Variants in TANC1 observed in about 807,000 individuals in gnomAD.
TANC1 encodes protein TANC1.
A neutral mutation model predicts 149.7 loss-of-function variants in TANC1; 77 were observed. That is an observed-to-expected ratio of 0.51 (90% CI 0.43 to 0.62). The LOEUF is 0.62. Among genes scored for constraint, TANC1 ranks in the 20% least tolerant of loss-of-function variants. The probability of loss-of-function intolerance (pLI) is 0.00; values close to 1 mark genes in which losing one functional copy is unlikely to be tolerated. For synonymous variants in TANC1, 854 were observed against 925.0 expected (o/e 0.92, Z 1.39); for missense variants, 1,985 against 2,321.8 (o/e 0.85, Z 2.98).
At chr2:158,991,707 C>G (rs992068146) in intron 1 of TANC1, among the ~76,000 whole-genome samples, 2 of 152,012 alleles carry the variant, frequency 1.3e-5, no homozygotes, top group East Asian at 3.9e-4. Context: ...TATCGCACCA[C>G]TGCACTCCAG....
At chr2:159,015,326 A>G (rs533031203) in intron 2 of TANC1, among the ~76,000 whole-genome samples, 1 of 152,304 alleles carries the variant, frequency 6.6e-6, no homozygotes, top group South Asian at 2.1e-4. Flanking sequence ...TCATGGCTGG[A>G]GTGGCTTGGA....
intron 1 of TANC1, among the ~76,000 whole-genome samples, chr2:158,982,348 A>G (rs193132070): frequency 6.6e-6 from 1 of 152,356 alleles, no homozygotes; most frequent in Non-Finnish European, 1.5e-5. Flanking sequence ...AAACACAAAC[A>G]TATAGGATAT....
rs533901485 is a variant in TANC1 at position 158,993,443 on chromosome 2, G to C, written c.-125-7637G>C. 3.3e-5 allele frequency among the ~76,000 whole-genome samples: 5 copies of C among 152,188 alleles called. No homozygotes were observed. In the South Asian group the frequency reaches 1.0e-3, roughly 32 times the overall value. The stretch of plus-strand genomic sequence containing the variant: ...ATTTTTGTATTTTTTGTAGAGACAG[G>C]GTTTCACCATGTTGCCCAGGCTGGT... On this transcript the variant is annotated intron_variant, in intron 1 of 26. Coordinates refer to ENST00000263635, the MANE Select transcript of TANC1 (RefSeq NM_033394.3).
In TANC1 at chr2:159,148,468, G is replaced by A. The variant is rs551639203; in HGVS notation, c.365-674G>A. On this transcript the variant is annotated intron_variant, in intron 5 of 26. Transcript: ENST00000263635. ...TCCCAGCATTGCTGTGCAGCATTCT[G>A]AGAATACAGCTTGATTTTTCTACAT... is the stretch of plus-strand genomic sequence containing the variant. 4 of 152,380 alleles carry A rather than the reference G, an allele frequency of 2.6e-5. No individual in the cohort carries two copies. In the South Asian group the frequency reaches 6.2e-4, roughly 24 times the overall value. 9.4% of individuals were successfully genotyped at this position (152,380 alleles called of 1,614,324 possible). A position where few individuals can be genotyped will look rare whatever the true frequency, so the allele number is the denominator to read the frequency against.
At chr2:159,043,257 C>T (rs941661144) in intron 2 of TANC1, among the ~76,000 whole-genome samples, 21 of 151,972 alleles carry the variant, frequency 1.4e-4, no homozygotes, top group African/African-American at 4.6e-4. Context: ...AGAGTGCTGA[C>T]GGGTTTTCTT....
chr2:159,092,935 G>A (rs774804700), intron 3 of TANC1, among the ~76,000 whole-genome samples: 15 of 152,278 alleles, frequency 9.9e-5, no homozygotes, highest in Non-Finnish European at 1.5e-4. Flanking sequence ...TGAGCTGACC[G>A]GTTGTGGGGA....
chr2:159,056,188 C>A, intron 2 of TANC1: 1 of 238,704 alleles, frequency 4.2e-6, no homozygotes, highest in South Asian at 6.9e-5. Flanking sequence ...TGGGAAAATC[C>A]ACAAAGGTGA....
At chr2:159,225,585 T>C in intron 23 of TANC1, 103 bp from the exon 24 acceptor site, 2 of 843,754 alleles carry the variant, frequency 2.4e-6, no homozygotes, top group Non-Finnish European at 4.0e-6. Flanking sequence ...TCCTTGCAGC[T>C]GGGCTCCTGC....
At chr2:159,056,460 C>T (rs974120083) in intron 2 of TANC1, among the ~76,000 whole-genome samples, 5 of 151,992 alleles carry the variant, frequency 3.3e-5, no homozygotes, top group Admixed American at 2.6e-4. Context: ...TACAGGCGCC[C>T]GCCACCACGC....
chr2:159,217,874 C>T (rs562121731), intron 20 of TANC1, among the ~76,000 whole-genome samples: 2 of 152,312 alleles, frequency 1.3e-5, no homozygotes, highest in East Asian at 1.9e-4. Flanking sequence ...CAGCCACTGC[C>T]TTCAGCTGTG....
chr2:158,985,151 G>C (rs967374678), intron 1 of TANC1, among the ~76,000 whole-genome samples: 6 of 152,160 alleles, frequency 3.9e-5, no homozygotes, highest in African/African-American at 1.2e-4. Context: ...TTAGTGGGAG[G>C]AAGAGAACTA....
chr2:159,162,729 A>C (rs938789526), intron 7 of TANC1, among the ~76,000 whole-genome samples: 3 of 152,146 alleles, frequency 2.0e-5, no homozygotes, highest in African/African-American at 7.2e-5. Context: ...ATAATAAGTC[A>C]GTCTCTCTGG....
At chr2:159,157,691 T>C (rs141575231) in intron 7 of TANC1, among the ~76,000 whole-genome samples, 2 of 152,362 alleles carry the variant, frequency 1.3e-5, no homozygotes, top group East Asian at 1.9e-4. Context: ...TCATCCACTT[T>C]TATGAGCGGC....
chr2:159,178,017 A>AG (rs2056064696), intron 13 of TANC1, among the ~76,000 whole-genome samples: 1 of 151,488 alleles, frequency 6.6e-6, no homozygotes, highest in South Asian at 2.1e-4. Flanking sequence ...GCTATACCAA[A>AG]GTAGGCAGCT....
chr2:159,211,586 A>G (rs576837933), intron 19 of TANC1, among the ~76,000 whole-genome samples: 2 of 152,158 alleles, frequency 1.3e-5, no homozygotes, highest in African/African-American at 4.8e-5. Flanking sequence ...TAATTTAGCC[A>G]TGGTTCTGTT....
At chr2:159,091,344 A>G (rs1011806304) in intron 3 of TANC1, among the ~76,000 whole-genome samples, 5 of 152,192 alleles carry the variant, frequency 3.3e-5, no homozygotes, top group African/African-American at 1.2e-4. Context: ...ATTAAGTTTA[A>G]ATAATATATG....
At chr2:159,050,781 C>G (rs1015688597) in intron 2 of TANC1, among the ~76,000 whole-genome samples, 1 of 152,090 alleles carries the variant, frequency 6.6e-6, no homozygotes, top group Non-Finnish European at 1.5e-5. Flanking sequence ...CCATTTGTAT[C>G]GATAAATCTT....
chr2:159,179,038 G>A lies in TANC1; in HGVS notation c.2385G>A (p.Met795Ile), dbSNP rs568153095. The change falls in exon 14 of 27, where the codon ATG becomes ATA. Residue 795 changes from methionine (M) to isoleucine (I), a missense_variant. Around this residue, in one of 3 missense-constraint regions of TANC1, gnomAD observed 508 missense variants for 714.2 expected, o/e 0.71. Transcript: ENST00000263635. The part of the protein sequence containing the change: ...EQGWEDFQQR[M>I]DALSCFLIKR... The stretch of plus-strand genomic sequence containing the variant: ...GATGGGAAGACTTTCAGCAGAGGAT[G>A]GACGCCCTCTCCTGCTTCCTCATTA... The A allele has an allele frequency of 5.0e-6, 8 of 1,613,898 alleles. No homozygotes were observed. The highest frequency in any genetic ancestry group is 1.1e-5 in the South Asian group (1 of 91,078).
intron 2 of TANC1, among the ~76,000 whole-genome samples, chr2:159,055,400 G>A (rs1046178935): frequency 5.3e-5 from 8 of 152,122 alleles, no homozygotes; most frequent in Non-Finnish European, 1.0e-4. Context: ...TCTTTGAGGC[G>A]TGTATTCTGT....
Sources: gnomAD v4.1 joint callset for allele counts (sites outside exome capture counted in the v4.1 genomes callset) on GRCh38, gnomAD v4.1.1 for gene constraint, gnomAD v4.1.1 regional missense constraint, MANE v1.5 for transcripts, NCBI Gene and HGNC (gene_info 2026-07-23, HGNC 2026-07-21) for gene names.